Variants in PLCXD3 observed in about 807,000 individuals in gnomAD.
PLCXD3 encodes PI-PLC X domain-containing protein 3.
Under a neutral mutation model 25.5 loss-of-function variants are expected in PLCXD3, and 19 were observed. The observed-to-expected ratio is 0.75, with a 90% CI of 0.52 to 1.09. PLCXD3 has a LOEUF of 1.09. Ranked by LOEUF, PLCXD3 falls within the 50% of genes least tolerant of loss-of-function variation. The probability of loss-of-function intolerance (pLI) is 0.00; values close to 1 mark genes in which losing one functional copy is unlikely to be tolerated. For missense variants in PLCXD3, 411 were observed against 388.1 expected, an observed-to-expected ratio of 1.06 and a Z score of -0.50; for synonymous variants, 174 against 137.6, an observed-to-expected ratio of 1.26 and a Z score of -1.85.
intron 1 of PLCXD3, among the ~76,000 whole-genome samples, chr5:41,484,818 G>C (rs1748483425): frequency 6.6e-6 from 1 of 152,044 alleles, no homozygotes; most frequent in Admixed American, 6.6e-5. Context: ...CAATAGCCTT[G>C]GAAATAACAT....
intron 2 of PLCXD3, among the ~76,000 whole-genome samples, chr5:41,375,171 G>A (rs1745252367): frequency 6.8e-6 from 1 of 147,418 alleles, no homozygotes; most frequent in Non-Finnish European, 1.5e-5. Context: ...AAGAGAGAGA[G>A]AAAGAGAAAG....
rs1467149607 is a variant in PLCXD3, at chr5:41,310,496, C to T, written c.*3121G>A. 6.6e-6 allele frequency: 1 copy of T among 152,270 alleles called. No individual in the cohort carries two copies. Among genetic ancestry groups the T allele is most frequent in the African/African-American group, 2.4e-5 (1 of 41,380 alleles). The allele number at this position is 152,270 out of a possible 1,614,324, so 9.4% of individuals were successfully genotyped here. A position where few individuals can be genotyped will look rare whatever the true frequency, so the allele number is the denominator to read the frequency against. On this transcript the variant is annotated 3_prime_UTR_variant, in exon 3 of 3. Transcript: ENST00000377801. Reference sequence around the variant, plus strand: ...GGTGTATCTACCACCATCTTGGCGCCCATGTGTAGCCCTTGTGCTACAAGC... The same window carrying T: ...GGTGTATCTACCACCATCTTGGCGCTCATGTGTAGCCCTTGTGCTACAAGC...
chr5:41,437,447 T>C (rs1222528765), intron 1 of PLCXD3, among the ~76,000 whole-genome samples: 2 of 152,202 alleles, frequency 1.3e-5, no homozygotes, highest in Non-Finnish European at 2.9e-5. Context: ...TAGTGACTTG[T>C]GATTGTGGGA....
chr5:41,459,116 TAG>T (rs926031146), intron 1 of PLCXD3, among the ~76,000 whole-genome samples: 14 of 151,938 alleles, frequency 9.2e-5, no homozygotes, highest in African/African-American at 3.4e-4. Context: ...AGAAAAATAG[TAG>T]AGTTATCGAT....
At chr5:41,463,810 C>T (rs1747948545) in intron 1 of PLCXD3, among the ~76,000 whole-genome samples, 1 of 151,822 alleles carries the variant, frequency 6.6e-6, no homozygotes, top group Admixed American at 6.6e-5. Flanking sequence ...TACGAATGGC[C>T]TTTACCTTCC....
At chr5:41,354,597 G>A (rs1744565803) in intron 2 of PLCXD3, among the ~76,000 whole-genome samples, 1 of 151,950 alleles carries the variant, frequency 6.6e-6, no homozygotes, top group Admixed American at 6.6e-5. Context: ...ACTTGCCACA[G>A]CCTCATTCAA....
At chr5:41,321,777 C>T (rs998705021) in intron 2 of PLCXD3, among the ~76,000 whole-genome samples, 81 of 152,260 alleles carry the variant, frequency 5.3e-4, no homozygotes, top group African/African-American at 1.8e-3. Flanking sequence ...CACACATTTA[C>T]GGTCAACTCA....
chr5:41,337,124 G>C (rs1229324885), intron 2 of PLCXD3, among the ~76,000 whole-genome samples: 1 of 152,086 alleles, frequency 6.6e-6, no homozygotes, highest in Non-Finnish European at 1.5e-5. Context: ...GTGTTTTGTG[G>C]TGGTCAACCA....
chr5:41,330,975 C>T (rs1400021635), intron 2 of PLCXD3, among the ~76,000 whole-genome samples: 2 of 152,094 alleles, frequency 1.3e-5, no homozygotes, highest in Non-Finnish European at 2.9e-5. Context: ...TATGACAAAG[C>T]CACAGCCAAT....
Position 41,510,476 on chromosome 5 carries a change from T to C in PLCXD3, c.51A>G (p.Ala17=). ...TGCTGTGCATGCTCTCCGGCAGAGT[T>C]GCCATCCAGTCGGCTAATTTCAGCT... ...KNELKLADWM[A]TLPESMHSIP... The change falls in exon 1 of 3, where the codon GCA becomes GCG. Residue 17 remains alanine, a synonymous_variant. Coordinates refer to ENST00000377801, the MANE Select transcript of PLCXD3 (RefSeq NM_001005473.3). 1.2e-6 allele frequency: 2 copies of C among 1,612,916 alleles called. No individual in the cohort carries two copies. Among genetic ancestry groups the C allele is most frequent in the Non-Finnish European group, 1.7e-6 (2 of 1,179,418 alleles).
chr5:41,487,296 T>C (rs1400870428), intron 1 of PLCXD3, among the ~76,000 whole-genome samples: 2 of 152,184 alleles, frequency 1.3e-5, no homozygotes, highest in Non-Finnish European at 2.9e-5. Flanking sequence ...AATTAACTTG[T>C]TTCAGTGTGG....
At chr5:41,329,435 A>T (rs1398588184) in intron 2 of PLCXD3, among the ~76,000 whole-genome samples, 1 of 152,206 alleles carries the variant, frequency 6.6e-6, no homozygotes, top group Non-Finnish European at 1.5e-5. Context: ...TTGCTGAATA[A>T]ATGAACAGGC....
At chr5:41,488,260 A>G (rs1748566505) in intron 1 of PLCXD3, among the ~76,000 whole-genome samples, 1 of 144,650 alleles carries the variant, frequency 6.9e-6, no homozygotes, top group African/African-American at 2.6e-5. Flanking sequence ...ACATGAACTC[A>G]TCATTTTTTA....
rs982499177 is a variant in PLCXD3, at chr5:41,490,938, G to A, written c.103+19486C>T. ...GTTTTTTGTGTCTCTATTTCCTTCA[G>A]TTCTGCTCTGATTTTAGTTATTTCT... On this transcript the variant is annotated intron_variant, in intron 1 of 2. Coordinates refer to ENST00000377801, the MANE Select transcript of PLCXD3 (RefSeq NM_001005473.3). Among the ~76,000 whole-genome samples the A allele has an allele frequency of 8.5e-5, 13 of 152,176 alleles. 2 individuals carry two copies. Among genetic ancestry groups the A allele is most frequent in the African/African-American group, 3.1e-4 (13 of 41,520 alleles).
At chr5:41,346,048 T>G (rs2150479363) in intron 2 of PLCXD3, among the ~76,000 whole-genome samples, 1 of 152,086 alleles carries the variant, frequency 6.6e-6, no homozygotes, top group East Asian at 1.9e-4. Flanking sequence ...CCTGGCTAAT[T>G]TTTTGTATTT....
intron 1 of PLCXD3, among the ~76,000 whole-genome samples, chr5:41,465,249 T>A (rs1747986061): frequency 6.6e-6 from 1 of 151,520 alleles, no homozygotes; most frequent in African/African-American, 2.4e-5. Flanking sequence ...AGTAGTTTCA[T>A]GGAGGCCTCA....
rs141939948 is a variant in PLCXD3 at position 41,486,730 on chromosome 5, C to T, written c.103+23694G>A. On this transcript the variant is annotated intron_variant, in intron 1 of 2. Coordinates refer to ENST00000377801, the MANE Select transcript of PLCXD3 (RefSeq NM_001005473.3). ...TATGATGTAATGGTCGAAAGAGCTA[C>T]GTTTATTGACTACTAACTCTGTGAT... 2.0e-3 allele frequency among the ~76,000 whole-genome samples: 306 copies of T among 152,254 alleles called. 1 individual carries two copies. Among genetic ancestry groups the T allele is most frequent in the Non-Finnish European group, 3.6e-3 (248 of 68,014 alleles).
At chr5:41,486,938 C>T (rs1027745139) in intron 1 of PLCXD3, among the ~76,000 whole-genome samples, 1 of 151,834 alleles carries the variant, frequency 6.6e-6, no homozygotes, top group African/African-American at 2.4e-5. Flanking sequence ...CATGAATCCC[C>T]CAACCGTTTT....
At chr5:41,418,374 T>C (rs188283650) in intron 1 of PLCXD3, among the ~76,000 whole-genome samples, 45 of 152,336 alleles carry the variant, frequency 3.0e-4, no homozygotes, top group African/African-American at 1.0e-3. Flanking sequence ...CCCTGGGGTC[T>C]GCTCTCCATA....
Sources: gnomAD v4.1 joint callset for allele counts (sites outside exome capture counted in the v4.1 genomes callset) on GRCh38, gnomAD v4.1.1 for gene constraint, MANE v1.5 for transcripts, NCBI Gene and HGNC (gene_info 2026-07-23, HGNC 2026-07-21) for gene names.